The following DUS1L variants were observed in gnomAD, a reference collection of about 807,000 sequenced individuals.
DUS1L encodes the protein tRNA-dihydrouridine(16/17) synthase [NAD(P)(+)]-like.
In DUS1L, 56 loss-of-function variants were observed where a neutral mutation model predicts 61.2. The observed-to-expected ratio is 0.92, with a 90% CI of 0.74 to 1.14. DUS1L has a LOEUF of 1.14. DUS1L is among the 50% of genes most tolerant of loss of function. DUS1L has a pLI of 0.00. For synonymous variants in DUS1L, 278 were observed against 259.5 expected (o/e 1.07, Z -0.69); for missense variants, 630 against 632.4 (o/e 1.00, Z 0.04).
chr17:82,063,348 G>T, intron 4 of DUS1L, 120 bp downstream of exon 4: 1 of 1,375,994 alleles, frequency 7.3e-7, no homozygotes, highest in Non-Finnish European at 1.0e-6. Flanking sequence ...AAGCCCCAGG[G>T]TGATGCTGAG....
intron 10 of DUS1L, 177 bp from the exon 11 acceptor site, chr17:82,060,270 G>A: frequency 1.3e-6 from 1 of 799,458 alleles, no homozygotes; most frequent in Non-Finnish European, 1.9e-6. Context: ...AGGGAGTCCG[G>A]GGCCTCTGAG....
chr17:82,063,546 G>A (rs536060295), intron 3 of DUS1L, 28 bp from the exon 4 acceptor site: 1 of 1,612,956 alleles, frequency 6.2e-7, no homozygotes, highest in East Asian at 2.2e-5. Context: ...GGCCTGGCTG[G>A]CACCTGTGTT....
intron 8 of DUS1L, 24 bp from the exon 9 acceptor site, chr17:82,060,985 A>G (rs1217882922): frequency 6.2e-7 from 1 of 1,603,078 alleles, no homozygotes; most frequent in Non-Finnish European, 8.5e-7. Flanking sequence ...CCTGTCACGC[A>G]GGCTGGGCTC....
At chr17:82,061,409 C>T (rs1341458648) in intron 7 of DUS1L, 56 bp from the exon 8 acceptor site, 1 of 1,536,836 alleles carries the variant, frequency 6.5e-7, no homozygotes, top group Non-Finnish European at 8.8e-7. Context: ...GTGGACGGCA[C>T]AGGAAAGCCT....
At position 82,065,709 on chromosome 17, in the gene DUS1L, C is replaced by T. The variant is rs1256815855; in HGVS notation, c.-107G>A. 6.8e-6 allele frequency: 1 copy of T among 148,106 alleles called. No individual in the cohort carries two copies. The highest frequency in any genetic ancestry group is 2.4e-5 in the African/African-American group (1 of 40,932). 9.2% of individuals were successfully genotyped at this position (148,106 alleles called of 1,614,324 possible). On this transcript the variant is annotated 5_prime_UTR_variant, in exon 1 of 14. Coordinates refer to ENST00000306796, the MANE Select transcript of DUS1L (RefSeq NM_022156.5). ...CGCCCCTCTCCGGCCTCGCCGCCGCCCGGGGCCCCTGCAGCTCCCGGGGCG... is the reference window on the plus strand; with the variant it reads ...CGCCCCTCTCCGGCCTCGCCGCCGCTCGGGGCCCCTGCAGCTCCCGGGGCG...
At position 82,065,026 on chromosome 17, in the gene DUS1L, G is replaced by A. The variant is rs745700439; in HGVS notation, c.34C>T (p.Arg12Cys). The A allele has an allele frequency of 1.2e-6, 2 of 1,607,296 alleles. No homozygotes were observed. The highest frequency in any genetic ancestry group is 3.4e-5 in the Admixed American group (2 of 59,460). The change falls in exon 2 of 14, where the codon CGC becomes TGC. Residue 12 changes from arginine to cysteine, a missense_variant. Physicochemically the swap from Arg to Cys is radical, Grantham distance 180. Coordinates refer to ENST00000306796, the MANE Select transcript of DUS1L (RefSeq NM_022156.5). ...ACGTGGCGGGCCCCTCGCAGGGTGC[G>A]GCTCCAGAACTCGAAGCCCTGCAGC... ...PKLQGFEFWS[R>C]TLRGARHVVA...
chr17:82,062,949 G>A lies in DUS1L; in HGVS notation c.422C>T (p.Ser141Phe), dbSNP rs1259973271. 1.9e-6 allele frequency: 3 copies of A among 1,613,008 alleles called. No individual in the cohort carries two copies. The highest frequency in any genetic ancestry group is 1.7e-6 in the Non-Finnish European group (2 of 1,179,936). ...RMILLAHEKL[S>F]VPVTCKIRVF... ...ACGGATTTTGCACGTGACAGGAACAGAGAGTTTCTCGTGGGCCAGCAAAAC... is the reference window on the plus strand; with the variant it reads ...ACGGATTTTGCACGTGACAGGAACAAAGAGTTTCTCGTGGGCCAGCAAAAC... Residue 141 changes from serine to phenylalanine, a missense_variant, in exon 5 of 14, where the codon TCT becomes TTT. By Grantham distance (155) the Ser-to-Phe change is radical. Transcript: ENST00000306796.
rs905691501 is a variant in DUS1L at position 82,059,630 on chromosome 17, G to T, written c.1168+318C>A. 3.2e-5 allele frequency: 12 copies of T among 377,078 alleles called. No individual in the cohort carries two copies. The Admixed American group carries it at 4.6e-4, about 14-fold the overall frequency. The allele number at this position is 377,078 out of a possible 1,614,324, so 23.4% of individuals were successfully genotyped here. ...CTCTCAGCAGCTGCTCAGGTGTCCT[G>T]TGTGAGGCTGGGCAGGGGCAGCCGC... is the stretch of plus-strand genomic sequence containing the variant. On this transcript the variant is annotated intron_variant, in intron 11 of 13. Transcript: ENST00000306796.
At chr17:82,060,286 G>A in intron 10 of DUS1L, 193 bp from the exon 11 acceptor site, 1 of 711,998 alleles carries the variant, frequency 1.4e-6, no homozygotes, top group Non-Finnish European at 2.3e-6. Flanking sequence ...CTGAGATGGA[G>A]TCCGCAGCTC....
chr17:82,057,658 T>C lies in DUS1L; in HGVS notation c.*457A>G. 4.3e-6 allele frequency: 1 copy of C among 231,966 alleles called. No homozygotes were observed. The highest frequency in any genetic ancestry group is 8.8e-6 in the Non-Finnish European group (1 of 114,090). The allele number at this position is 231,966 out of a possible 1,614,324, so 14.4% of individuals were successfully genotyped here. ...GCCTCGCAGGCGGTGCTTCCAAGGC[T>C]GTGAGGCATCACGAAGCTCCCGGAG... On this transcript the variant is annotated 3_prime_UTR_variant, in exon 14 of 14. Transcript: ENST00000306796.
chr17:82,057,645 G>T lies in DUS1L; in HGVS notation c.*470C>A, dbSNP rs1487795952. On this transcript the variant is annotated 3_prime_UTR_variant, in exon 14 of 14. Transcript: ENST00000306796. Reference sequence around the variant, plus strand: ...AGCAGCCACTGTGGCCTCGCAGGCGGTGCTTCCAAGGCTGTGAGGCATCAC... The same window carrying T: ...AGCAGCCACTGTGGCCTCGCAGGCGTTGCTTCCAAGGCTGTGAGGCATCAC... 8 of 259,234 alleles carry T rather than the reference G, an allele frequency of 3.1e-5. No homozygotes were observed. Among genetic ancestry groups the T allele is most frequent in the Non-Finnish European group, 3.1e-5 (4 of 129,636 alleles). The allele number at this position is 259,234 out of a possible 1,614,324, so 16.1% of individuals were successfully genotyped here.
At chr17:82,060,160 G>A (rs559767984) in intron 10 of DUS1L, 67 bp from the exon 11 acceptor site, 25,168 of 1,560,288 alleles carry the variant, frequency 0.016, 255 homozygotes, top group Non-Finnish European at 0.02. Flanking sequence ...ACAGCCACAC[G>A]GGTCTGAGTC....
intron 11 of DUS1L, chr17:82,059,345 TG>T (rs2033326982): frequency 1.2e-5 from 2 of 171,726 alleles, no homozygotes; most frequent in Admixed American, 1.1e-4. Context: ...GCCAGCGCCC[TG>T]GGGGTTACAT....
At position 82,060,102 on chromosome 17, in the gene DUS1L, A is replaced by G; in HGVS notation, c.1023-9T>C. 6.2e-7 allele frequency: 1 copy of G among 1,611,082 alleles called. No homozygotes were observed. The highest frequency in any genetic ancestry group is 8.5e-7 in the Non-Finnish European group (1 of 1,179,168). ...TGCTCCCCTCCCTGGGCCTGAGGGGAGGGCAGCGGGCAGAGCCCAAGGACA... is the reference window on the plus strand; with the variant it reads ...TGCTCCCCTCCCTGGGCCTGAGGGGGGGGCAGCGGGCAGAGCCCAAGGACA... On this transcript the variant is annotated splice_polypyrimidine_tract_variant and intron_variant, in intron 10 of 13. Transcript: ENST00000306796.
intron 3 of DUS1L, 75 bp from the exon 4 acceptor site, chr17:82,063,593 A>G (rs1568092217): frequency 4.4e-6 from 7 of 1,591,686 alleles, no homozygotes; most frequent in Non-Finnish European, 5.1e-6. Flanking sequence ...CCCCCTCTGC[A>G]CCCTTTCCTG....
At chr17:82,063,590 TG>T (rs2033618038) in intron 3 of DUS1L, 72 bp from the exon 4 acceptor site, 2 of 1,595,810 alleles carry the variant, frequency 1.3e-6, no homozygotes. Context: ...GCACCCCCTC[TG>T]CACCCTTTCC....
At chr17:82,065,124 CTCAACTCAGAGGCAGCGG>C in intron 1 of DUS1L, 55 bp from the exon 2 acceptor site, 1 of 1,475,222 alleles carries the variant, frequency 6.8e-7, no homozygotes, top group Non-Finnish European at 9.1e-7. Flanking sequence ...GGGCTTAAGA[CTCAACTCAGAGGCAGCGG>C]TCACCCTTCT....
chr17:82,064,757 T>G, intron 2 of DUS1L, 66 bp downstream of exon 2: 11 of 1,450,998 alleles, frequency 7.6e-6, no homozygotes, highest in Admixed American at 6.3e-5. Context: ...GAGAGAAGGG[T>G]TTTTCCCCAG....
rs533000686 is a variant in DUS1L at position 82,061,690 on chromosome 17, C to T, written c.625G>A (p.Gly209Arg). The T allele has an allele frequency of 9.3e-6, 15 of 1,613,052 alleles. No individual in the cohort carries two copies. The highest frequency in any genetic ancestry group is 2.2e-5 in the East Asian group (1 of 44,886). Residue 209 changes from glycine (G) to arginine (R), a missense_variant, in exon 7 of 14, where the codon GGG (glycine) becomes AGG (arginine). Physicochemically the swap from Gly to Arg is moderately radical, Grantham distance 125. Transcript: ENST00000306796. ...ACGTCCTGCAGGCACTGGATGTTCC[C>T]GTTAGCAAACACAGGGATGGCCACA... is the stretch of plus-strand genomic sequence containing the variant. ...KAVAIPVFANGNIQCLQDVER... is the reference protein window; with the variant it reads ...KAVAIPVFANRNIQCLQDVER...
Sources: allele counts gnomAD v4.1 joint callset, GRCh38; gene constraint gnomAD v4.1.1; transcripts MANE v1.5; gene names NCBI Gene and HGNC (gene_info 2026-07-23, HGNC 2026-07-21).